Variants in NEGR1 observed in about 807,000 individuals in gnomAD.
The protein encoded by NEGR1 is neuronal growth regulator 1, also known as IgLON family member 4.
A neutral mutation model predicts 40.9 loss-of-function variants in NEGR1; 10 were observed. The ratio of observed to expected loss-of-function variants is 0.24; its 90% CI spans 0.15 to 0.42. The LOEUF (loss-of-function observed/expected upper bound fraction) is 0.42. NEGR1 is among the 10% of genes least tolerant of loss of function. The pLI, the probability that NEGR1 is intolerant of heterozygous loss-of-function variation, is 1.00. For synonymous variants in NEGR1, 185 were observed against 166.8 expected (o/e 1.11, Z -0.84); for missense variants, 352 against 438.9 (o/e 0.80, Z 1.77).
chr1:71,575,495 C>G (rs1011944728), intron 6 of NEGR1, among the ~76,000 whole-genome samples: 1 of 152,206 alleles, frequency 6.6e-6, no homozygotes. Flanking sequence ...ACTTAAAAAT[C>G]TTTCCCAGTT....
At chr1:71,623,226 G>A (rs946873379) in intron 4 of NEGR1, among the ~76,000 whole-genome samples, 5 of 151,748 alleles carry the variant, frequency 3.3e-5, no homozygotes, top group Admixed American at 2.6e-4. Flanking sequence ...CTTCAGTTAC[G>A]TGACAGTGTC....
chr1:71,954,598 A>G (rs1646103656), intron 1 of NEGR1, among the ~76,000 whole-genome samples: 1 of 152,016 alleles, frequency 6.6e-6, no homozygotes, highest in African/African-American at 2.4e-5. Context: ...AGAAAAAAAG[A>G]GTTCAGGATA....
Position 72,150,333 on chromosome 1 carries a change from A to G in NEGR1, c.176+131986T>C, listed in dbSNP as rs148765185. Reference sequence around the variant, plus strand: ...TAAAAAGGAATATATAATAAAAGAGAAAATCTGGTTGAGATTTCCTCTTGA... The same window carrying G: ...TAAAAAGGAATATATAATAAAAGAGGAAATCTGGTTGAGATTTCCTCTTGA... On this transcript the variant is annotated intron_variant, in intron 1 of 6. Coordinates refer to ENST00000357731, the MANE Select transcript of NEGR1 (RefSeq NM_173808.3). 7.4e-4 allele frequency among the ~76,000 whole-genome samples: 112 copies of G among 152,314 alleles called. 2 individuals carry two copies. The East Asian group carries it at 0.021, about 28-fold the overall frequency.
intron 4 of NEGR1, among the ~76,000 whole-genome samples, chr1:71,613,564 G>C (rs1033143163): frequency 1.3e-5 from 2 of 151,878 alleles, no homozygotes; most frequent in African/African-American, 4.8e-5. Flanking sequence ...GGCTGAAGCA[G>C]GAGAATCGCT....
At chr1:71,726,594 T>C (rs533770820) in intron 3 of NEGR1, among the ~76,000 whole-genome samples, 4 of 152,254 alleles carry the variant, frequency 2.6e-5, no homozygotes, top group South Asian at 4.1e-4. Flanking sequence ...ATTGTAAAGA[T>C]AGATCCCACA....
At chr1:72,258,554 A>G (rs1192026082) in intron 1 of NEGR1, among the ~76,000 whole-genome samples, 2 of 152,210 alleles carry the variant, frequency 1.3e-5, no homozygotes, top group Non-Finnish European at 2.9e-5. Flanking sequence ...TAAATAAGCT[A>G]TTGACATTTA....
At chr1:72,262,083 G>A (rs1187360072) in intron 1 of NEGR1, among the ~76,000 whole-genome samples, 1 of 151,956 alleles carries the variant, frequency 6.6e-6, no homozygotes, top group Non-Finnish European at 1.5e-5. Flanking sequence ...GGGGGAAAAT[G>A]GGCATCTTAG....
At chr1:71,809,553 G>T (rs1225283323) in intron 2 of NEGR1, among the ~76,000 whole-genome samples, 1 of 152,064 alleles carries the variant, frequency 6.6e-6, no homozygotes, top group Non-Finnish European at 1.5e-5. Flanking sequence ...GATCAAAAAG[G>T]ACTAATTGAA....
At chr1:71,589,843 T>C (rs1281877982) in intron 6 of NEGR1, among the ~76,000 whole-genome samples, 1 of 152,142 alleles carries the variant, frequency 6.6e-6, no homozygotes, top group African/African-American at 2.4e-5. Flanking sequence ...TATCATTCCC[T>C]TGTTAAAATC....
At chr1:71,918,583 T>A (rs1661670959) in intron 2 of NEGR1, among the ~76,000 whole-genome samples, 1 of 152,112 alleles carries the variant, frequency 6.6e-6, no homozygotes, top group Non-Finnish European at 1.5e-5. Flanking sequence ...GAGTCTTTAC[T>A]AGGTCAGAGG....
intron 6 of NEGR1, among the ~76,000 whole-genome samples, chr1:71,573,258 A>ATACGAAGTATG (rs1648862650): frequency 6.6e-6 from 1 of 152,188 alleles, no homozygotes; most frequent in Non-Finnish European, 1.5e-5. Flanking sequence ...TTGAAGATTG[A>ATACGAAGTATG]TACGAAGTAT....
chr1:71,529,374 T>G lies in NEGR1; in HGVS notation c.940+63443A>C, dbSNP rs1024839226. On this transcript the variant is annotated intron_variant, in intron 6 of 6. Coordinates refer to ENST00000357731, the MANE Select transcript of NEGR1 (RefSeq NM_173808.3). ...TATAAAACCAGCATTAGGGCATTAT[T>G]GTGAATTTAATCTAGATTGGGAAGT... is the stretch of plus-strand genomic sequence containing the variant. 4.6e-5 allele frequency among the ~76,000 whole-genome samples: 7 copies of G among 151,222 alleles called. No individual in the cohort carries two copies. The Admixed American group carries it at 4.6e-4, about 10-fold the overall frequency.
intron 6 of NEGR1, among the ~76,000 whole-genome samples, chr1:71,427,769 G>C (rs1166529515): frequency 6.6e-6 from 1 of 152,132 alleles, no homozygotes; most frequent in Non-Finnish European, 1.5e-5. Context: ...TTTGCCAACT[G>C]TAAAATAACA....
chr1:71,549,324 G>A (rs573381270), intron 6 of NEGR1, among the ~76,000 whole-genome samples: 58 of 151,790 alleles, frequency 3.8e-4, no homozygotes, highest in Admixed American at 2.0e-3. Context: ...TCTTATTACT[G>A]TATTATCTGG....
At chr1:71,424,677 G>T (rs1401401842) in intron 6 of NEGR1, among the ~76,000 whole-genome samples, 1 of 152,126 alleles carries the variant, frequency 6.6e-6, no homozygotes, top group Non-Finnish European at 1.5e-5. Context: ...AGTTGGCCTT[G>T]CTGTTGCTGG....
chr1:71,905,880 AG>A (rs1661261394), intron 2 of NEGR1, among the ~76,000 whole-genome samples: 1 of 151,262 alleles, frequency 6.6e-6, no homozygotes. Flanking sequence ...AAAAAAAAAA[AG>A]AAAGGCTGAG....
intron 1 of NEGR1, among the ~76,000 whole-genome samples, chr1:72,231,739 C>T (rs1654372358): frequency 6.6e-6 from 1 of 152,076 alleles, no homozygotes; most frequent in Non-Finnish European, 1.5e-5. Context: ...GTTACATTAT[C>T]ACATGATTTT....
At chr1:71,723,045 T>C (rs1654562032) in intron 3 of NEGR1, among the ~76,000 whole-genome samples, 1 of 152,068 alleles carries the variant, frequency 6.6e-6, no homozygotes, top group South Asian at 2.1e-4. Context: ...AAAAAACTGC[T>C]GTAATTTTTA....
At chr1:72,242,438 C>G (rs898372548) in intron 1 of NEGR1, among the ~76,000 whole-genome samples, 19 of 151,632 alleles carry the variant, frequency 1.3e-4, no homozygotes, top group African/African-American at 4.6e-4. Flanking sequence ...ACCCTGTTCA[C>G]TGAGCTATTT....
Sources: allele counts gnomAD v4.1 joint callset (sites outside exome capture counted in the v4.1 genomes callset), GRCh38; gene constraint gnomAD v4.1.1; transcripts MANE v1.5; gene names NCBI Gene and HGNC (gene_info 2026-07-23, HGNC 2026-07-21).